The following POLQ variants were observed in gnomAD, a reference collection of about 807,000 sequenced individuals.
POLQ encodes the protein epididymis secretory sperm binding protein.
In POLQ, 233 loss-of-function variants were observed where a neutral mutation model predicts 259.2. That is an observed-to-expected ratio of 0.90 (90% CI 0.81 to 1.00). The LOEUF is 1.00. Ranked by LOEUF, POLQ falls within the 50% of genes least tolerant of loss-of-function variation. POLQ has a pLI of 0.00. For synonymous variants in POLQ, 1,025 were observed against 1,048.8 expected (o/e 0.98, Z 0.44); for missense variants, 2,871 against 3,051.6 (o/e 0.94, Z 1.39).
intron 20 of POLQ, among the ~76,000 whole-genome samples, chr3:121,476,213 T>C (rs1160010257): frequency 6.6e-6 from 1 of 152,004 alleles, no homozygotes; most frequent in East Asian, 1.9e-4. Flanking sequence ...CCTGGAAAAA[T>C]AGCTATGCTG....
chr3:121,510,404 C>T (rs544709998), intron 10 of POLQ, among the ~76,000 whole-genome samples, 161 bp from the exon 11 acceptor site: 2 of 151,884 alleles, frequency 1.3e-5, no homozygotes, highest in African/African-American at 4.8e-5. Flanking sequence ...GGTGAAACCC[C>T]GTCTCTACTA....
chr3:121,476,491 T>C (rs1176044898), intron 20 of POLQ, 49 bp downstream of exon 20: 1 of 1,334,882 alleles, frequency 7.5e-7, no homozygotes, highest in African/African-American at 1.5e-5. Flanking sequence ...CACACAATCA[T>C]TTTAACTCTA....
chr3:121,518,943 C>T (rs927695879), intron 9 of POLQ, among the ~76,000 whole-genome samples: 5 of 152,156 alleles, frequency 3.3e-5, no homozygotes, highest in Admixed American at 6.5e-5. Flanking sequence ...AATTTGCTGC[C>T]GTTTTGACAT....
At chr3:121,453,139 T>A (rs1444709532) in intron 25 of POLQ, among the ~76,000 whole-genome samples, 1 of 152,046 alleles carries the variant, frequency 6.6e-6, no homozygotes, top group African/African-American at 2.4e-5. Context: ...AGGTCTGGAG[T>A]GGACATCTAG....
intron 15 of POLQ, 157 bp from the exon 16 acceptor site, chr3:121,490,565 A>G (rs2048060098): frequency 1.6e-6 from 1 of 641,976 alleles, no homozygotes; most frequent in Non-Finnish European, 2.7e-6. Context: ...CTAGCTGGGG[A>G]ATTCAGAAAA....
At position 121,432,373 on chromosome 3, in the gene POLQ, C is replaced by CA; in HGVS notation, c.7703dup (p.Ser2569ValfsTer21). On this transcript the variant is annotated frameshift_variant, in exon 30 of 30. Transcript: ENST00000264233. LOFTEE classifies it high-confidence loss of function. ...TCACTTTCACTTTCAATTTCACAGA[C>CA]AGTTTTACAGCACTTTCCATTTCAT... 6.2e-7 allele frequency: 1 copy of CA among 1,610,522 alleles called. No individual in the cohort carries two copies. Among genetic ancestry groups the CA allele is most frequent in the Non-Finnish European group, 8.5e-7 (1 of 1,178,232 alleles).
chr3:121,459,920 A>G, intron 25 of POLQ, 130 bp downstream of exon 25: 1 of 700,874 alleles, frequency 1.4e-6, no homozygotes, highest in East Asian at 2.5e-5. Context: ...ATAAGCTCAG[A>G]TGAACTGTGC....
chr3:121,432,449 G>T (rs528504047), intron 29 of POLQ, 32 bp from the exon 30 acceptor site: 3 of 1,592,526 alleles, frequency 1.9e-6, no homozygotes, highest in Non-Finnish European at 2.6e-6. Flanking sequence ...TTAACAAACT[G>T]CCCAGTCAAA....
intron 12 of POLQ, among the ~76,000 whole-genome samples, chr3:121,508,016 A>ATTTTTTTTTTTTTTTTTTTTTTT (rs4048669): frequency 7.7e-6 from 1 of 129,648 alleles, no homozygotes; most frequent in Non-Finnish European, 1.6e-5. Flanking sequence ...ACCATACACA[A>ATTTTTTTTTTTTTTTTTTTTTTT]TTTTTTTTTT....
Position 121,489,531 on chromosome 3 carries a change from CA to C in POLQ, c.3399del (p.Phe1133LeufsTer14). 1 of 1,613,526 alleles carries C rather than the reference CA, an allele frequency of 6.2e-7. No individual in the cohort carries two copies. The highest frequency in any genetic ancestry group is 1.3e-5 in the African/African-American group (1 of 74,976). On this transcript the variant is annotated frameshift_variant, in exon 16 of 30. Transcript: ENST00000264233. LOFTEE classifies it high-confidence loss of function. Reference protein sequence around the residue: ...SWNITLTNDNFVEHIVTGSQS... With the variant: ...SWNITLTNDNXVEHIVTGSQS... ...TGAGATCCTGTGACAATATGCTCCA[CA>C]AAATTATCATTAGTTAGTGTTATGT...
chr3:121,460,086 C>A lies in POLQ; in HGVS notation c.7116G>T (p.Glu2372Asp), dbSNP rs149262016. ...IAAEWKMIEP[E>D]SVGDDLRQQA... Reference sequence around the variant, plus strand: ...GCTGCCTCAGATCATCCCCAACAGACTCTGGCTCAATCATCTTCCACTCTG... The same window carrying A: ...GCTGCCTCAGATCATCCCCAACAGAATCTGGCTCAATCATCTTCCACTCTG... The change falls in exon 25 of 30, where the codon GAG (glutamate) becomes GAT (aspartate). Residue 2372 changes from glutamate (E) to aspartate (D), a missense_variant. Transcript: ENST00000264233. The A allele has an allele frequency of 6.2e-7, 1 of 1,614,134 alleles. No individual in the cohort carries two copies. Among genetic ancestry groups the A allele is most frequent in the Non-Finnish European group, 8.5e-7 (1 of 1,179,988 alleles).
chr3:121,460,937 C>T (rs960668162), intron 24 of POLQ, among the ~76,000 whole-genome samples: 3 of 152,170 alleles, frequency 2.0e-5, no homozygotes, highest in Non-Finnish European at 4.4e-5. Flanking sequence ...TCACAAAAGA[C>T]TCATTGCCCT....
chr3:121,532,994 A>T lies in POLQ; in HGVS notation c.956T>A (p.Val319Glu). 1 of 1,592,812 alleles carries T rather than the reference A, an allele frequency of 6.3e-7. No homozygotes were observed. Among genetic ancestry groups the T allele is most frequent in the South Asian group, 1.1e-5 (1 of 90,126 alleles). Residue 319 changes from valine (V) to glutamate (E), a missense_variant, in exon 6 of 30, where the codon GTG becomes GAG. Val to Glu is a moderately radical substitution (Grantham distance 121). Coordinates refer to ENST00000264233, the MANE Select transcript of POLQ (RefSeq NM_199420.4). ...LVREFEPMLQ[V>E]KGDEDHVVSL... ...GATGTACATATATTGATTTACCTTC[A>T]CTTGTAGCATGGGCTCAAATTCCCT... is the stretch of plus-strand genomic sequence containing the variant.
intron 12 of POLQ, among the ~76,000 whole-genome samples, chr3:121,506,022 CAA>C (rs56305313): frequency 0.013 from 1,195 of 88,520 alleles, 5 homozygotes; most frequent in Non-Finnish European, 0.018. Flanking sequence ...AACTCCATCT[CAA>C]AAAAAAAAAA....
intron 25 of POLQ, among the ~76,000 whole-genome samples, chr3:121,453,551 T>G (rs949124233): frequency 6.6e-6 from 1 of 152,040 alleles, no homozygotes; most frequent in Non-Finnish European, 1.5e-5. Flanking sequence ...TTAAAGGAGC[T>G]GATGGAGCTG....
chr3:121,432,838 T>TG (rs1367115785), intron 29 of POLQ, 80 bp downstream of exon 29: 1 of 845,594 alleles, frequency 1.2e-6, no homozygotes, highest in East Asian at 2.5e-5. Flanking sequence ...AAAATCCTCA[T>TG]GCACAGGAAA....
Position 121,520,153 on chromosome 3 carries a change from G to A in POLQ, c.1256-70C>T, listed in dbSNP as rs958453111. 6 of 845,804 alleles carry A rather than the reference G, an allele frequency of 7.1e-6. No individual in the cohort carries two copies. In the Admixed American group the frequency reaches 1.3e-4, roughly 19 times the overall value. The allele number at this position is 845,804 out of a possible 1,614,324, so 52.4% of individuals were successfully genotyped here. A position where few individuals can be genotyped will look rare whatever the true frequency, so the allele number is the denominator to read the frequency against. ...ATATTATACGTGTTCACTTACAAATGGATTTGAGAGTCTGCTTCAAGCCTC... is the reference window on the plus strand; with the variant it reads ...ATATTATACGTGTTCACTTACAAATAGATTTGAGAGTCTGCTTCAAGCCTC... On this transcript the variant is annotated intron_variant, in intron 8 of 29. Coordinates refer to ENST00000264233, the MANE Select transcript of POLQ (RefSeq NM_199420.4).
intron 26 of POLQ, among the ~76,000 whole-genome samples, chr3:121,440,391 T>G (rs2047581675): frequency 6.6e-6 from 1 of 152,136 alleles, no homozygotes; most frequent in Non-Finnish European, 1.5e-5. Flanking sequence ...GGGAGTGCAG[T>G]GGTGCTATCA....
chr3:121,452,584 C>G (rs1401188787), intron 25 of POLQ, among the ~76,000 whole-genome samples: 1 of 150,478 alleles, frequency 6.6e-6, no homozygotes, highest in Non-Finnish European at 1.5e-5. Context: ...GTGACACAAA[C>G]AAAAACTGGT....
Sources: gnomAD v4.1 joint callset for allele counts (sites outside exome capture counted in the v4.1 genomes callset) on GRCh38, gnomAD v4.1.1 for gene constraint, MANE v1.5 for transcripts, NCBI Gene and HGNC (gene_info 2026-07-23, HGNC 2026-07-21) for gene names.